The following FBXW10B variants were observed in gnomAD, a reference collection of about 807,000 sequenced individuals.
FBXW10B encodes F-box and WD repeat domain containing 10B.
At chr17:15,572,033 GATAAATTT>G in the FBXW10B span, 1 of 151,986 alleles carries the variant, frequency 6.6e-6, no homozygotes, top group African/African-American at 2.4e-5. Flanking sequence ...TTTTTGAAAA[GATAAATTT>G]ATATGTTCCA....
At chr17:15,611,213 A>G in the FBXW10B span, among the ~76,000 whole-genome samples, 2,194 of 151,980 alleles carry the variant, frequency 0.014, 46 homozygotes, top group African/African-American at 0.05. Flanking sequence ...TAGTAGAGAC[A>G]GGGTTTCACT....
chr17:15,611,626 T>C, the FBXW10B span, among the ~76,000 whole-genome samples: 2,206 of 152,292 alleles, frequency 0.014, 48 homozygotes, highest in African/African-American at 0.05. Context: ...TCATATGAAC[T>C]AGATGCTCTC....
chr17:15,619,264 C>T, the FBXW10B span: 7 of 1,613,958 alleles, frequency 4.3e-6, no homozygotes, highest in South Asian at 5.5e-5. Flanking sequence ...AGATGAAATC[C>T]TTTCCCTGTG....
the FBXW10B span, among the ~76,000 whole-genome samples, chr17:15,601,314 A>C: frequency 4.7e-5 from 7 of 148,634 alleles, no homozygotes; most frequent in East Asian, 1.0e-3. Flanking sequence ...GAGGCTGAGG[A>C]AGGAGAATGG....
At chr17:15,593,439 C>T in the FBXW10B span, 3 of 1,614,152 alleles carry the variant, frequency 1.9e-6, no homozygotes. Context: ...TCGGATCTTG[C>T]CATCTGCACA....
chr17:15,584,839 C>T, the FBXW10B span, among the ~76,000 whole-genome samples: 10 of 152,204 alleles, frequency 6.6e-5, no homozygotes, highest in Non-Finnish European at 1.5e-4. Flanking sequence ...TAAACTTACA[C>T]ATAAAATGGC....
At chr17:15,582,387 T>A in the FBXW10B span, among the ~76,000 whole-genome samples, 1 of 151,952 alleles carries the variant, frequency 6.6e-6, no homozygotes, top group Non-Finnish European at 1.5e-5. Context: ...AAAAGATAGA[T>A]CTCTTGATTA....
chr17:15,602,067 G>C, the FBXW10B span, among the ~76,000 whole-genome samples: 2 of 149,836 alleles, frequency 1.3e-5, no homozygotes, highest in Non-Finnish European at 2.9e-5. Flanking sequence ...AGCTGAGATC[G>C]CACCACTGCA....
At chr17:15,605,722 G>C in the FBXW10B span, among the ~76,000 whole-genome samples, 3 of 151,822 alleles carry the variant, frequency 2.0e-5, no homozygotes, top group African/African-American at 7.3e-5. Context: ...ATGTGGCATT[G>C]CCCGGATTTA....
chr17:15,586,927 T>C, the FBXW10B span, among the ~76,000 whole-genome samples: 1 of 151,366 alleles, frequency 6.6e-6, no homozygotes, highest in Non-Finnish European at 1.5e-5. Flanking sequence ...AGGAAGGAAG[T>C]AAATCTGAGG....
At chr17:15,612,595 C>G in the FBXW10B span, 940 of 1,504,498 alleles carry the variant, frequency 6.2e-4, no homozygotes, top group Non-Finnish European at 8.3e-4. Flanking sequence ...TGTCACCTGC[C>G]GTGATCCTCT....
At chr17:15,573,836 T>C in the FBXW10B span, 9 of 345,272 alleles carry the variant, frequency 2.6e-5, 1 homozygote, top group East Asian at 3.8e-4. Flanking sequence ...TTAAGCAACA[T>C]AGACATTTTC....
chr17:15,606,668 T>TAC, the FBXW10B span, among the ~76,000 whole-genome samples: 1 of 151,784 alleles, frequency 6.6e-6, no homozygotes, highest in Non-Finnish European at 1.5e-5. Context: ...TGTGTATATG[T>TAC]ACACACATAT....
At chr17:15,586,528 A>C in the FBXW10B span, among the ~76,000 whole-genome samples, 3 of 151,738 alleles carry the variant, frequency 2.0e-5, no homozygotes, top group Non-Finnish European at 4.4e-5. Flanking sequence ...TGGTACAAAA[A>C]ATTTTTGAAA....
At chr17:15,588,135 T>A in the FBXW10B span, among the ~76,000 whole-genome samples, 1 of 152,232 alleles carries the variant, frequency 6.6e-6, no homozygotes, top group Non-Finnish European at 1.5e-5. Flanking sequence ...ATGATGGGTT[T>A]CATTTGCATA....
At chr17:15,596,209 G>C in the FBXW10B span, among the ~76,000 whole-genome samples, 1 of 151,830 alleles carries the variant, frequency 6.6e-6, no homozygotes, top group Non-Finnish European at 1.5e-5. Flanking sequence ...TACTCTGGAG[G>C]AGAAAAAGGT....
At chr17:15,581,091 A>G in the FBXW10B span, among the ~76,000 whole-genome samples, 1 of 152,100 alleles carries the variant, frequency 6.6e-6, no homozygotes, top group Non-Finnish European at 1.5e-5. Context: ...CAGTCTTGCC[A>G]TTGAAAGAGC....
At chr17:15,593,483 G>T in the FBXW10B span, 2 of 1,614,170 alleles carry the variant, frequency 1.2e-6, no homozygotes, top group South Asian at 2.2e-5. Context: ...GAAGGGACAC[G>T]TCGAGCACCT....
the FBXW10B span, among the ~76,000 whole-genome samples, chr17:15,578,206 T>C: frequency 6.6e-6 from 1 of 151,480 alleles, no homozygotes; most frequent in Non-Finnish European, 1.5e-5. Flanking sequence ...AGAAGCATTT[T>C]TTGTTTGGCC....
Sources: gnomAD v4.1 joint callset for allele counts (sites outside exome capture counted in the v4.1 genomes callset) on GRCh38, gnomAD v4.1.1 for gene constraint, MANE v1.5 for transcripts, NCBI Gene and HGNC (gene_info 2026-07-23, HGNC 2026-07-21) for gene names.